Variants in HSPA8 observed in about 807,000 individuals in gnomAD.
HSPA8 encodes heat shock protein family A (Hsp70) member 8.
Under a neutral mutation model 52.8 loss-of-function variants are expected in HSPA8, and 2 were observed. The observed-to-expected ratio is 0.04, with a 90% CI of 0.02 to 0.12. The LOEUF (loss-of-function observed/expected upper bound fraction) is 0.12, where lower values mean the gene tolerates loss of function less well. Ranked by LOEUF, HSPA8 falls within the 10% of genes least tolerant of loss-of-function variation. The pLI is 1.00. For synonymous variants in HSPA8, 436 were observed against 274.0 expected, an observed-to-expected ratio of 1.59 and a Z score of -5.84; for missense variants, 349 against 800.5, an observed-to-expected ratio of 0.44 and a Z score of 6.81.
At chr11:123,058,898 AG>A in intron 6 of HSPA8, 68 bp from the exon 7 acceptor site, 2 of 1,499,778 alleles carry the variant, frequency 1.3e-6, no homozygotes, top group South Asian at 1.1e-5. Flanking sequence ...GGTCCTGCTA[AG>A]GAAGAATGGT....
chr11:123,061,474 G>A (rs41302367), intron 1 of HSPA8, 145 bp from the exon 2 acceptor site: 23,398 of 661,116 alleles, frequency 0.035, 2,179 homozygotes, highest in African/African-American at 0.23. Context: ...CACGCGCGAG[G>A]TCCAGAACTA....
intron 8 of HSPA8, 26 bp downstream of exon 8, chr11:123,058,226 G>GAAGAA: frequency 9.9e-6 from 10 of 1,012,446 alleles, no homozygotes; most frequent in Non-Finnish European, 1.4e-5. Context: ...AGTGGGGGAG[G>GAAGAA]AAAAAAAAAA....
At chr11:123,059,011 C>T (rs763725484) in intron 6 of HSPA8, 48 bp downstream of exon 6, 2 of 1,533,412 alleles carry the variant, frequency 1.3e-6, no homozygotes, top group Non-Finnish European at 9.0e-7. Flanking sequence ...TCAAGACTTC[C>T]CTTTATCTGT....
chr11:123,058,084 G>C, intron 8 of HSPA8, 165 bp from the exon 9 acceptor site: 9 of 711,420 alleles, frequency 1.3e-5, no homozygotes, highest in South Asian at 3.7e-5. Flanking sequence ...GGGTCACTCA[G>C]ACATCCAAGG....
Position 123,057,871 on chromosome 11 carries a change from C to T in HSPA8, c.1804G>A (p.Val602Ile). 1 of 1,612,802 alleles carries T rather than the reference C, an allele frequency of 6.2e-7. No homozygotes were observed. Among genetic ancestry groups the T allele is most frequent in the Non-Finnish European group, 8.5e-7 (1 of 1,179,564 alleles). ...FEHQQKELEKVCNPIITKLYQ... is the reference protein window; with the variant it reads ...FEHQQKELEKICNPIITKLYQ... ...AGCTTGGTGATGATGGGGTTGCAAA[C>T]TTTCTCCAGCTCTTTCTGTTGATGT... Residue 602 changes from valine to isoleucine, a missense_variant, in exon 9 of 9, where the codon GTT becomes ATT. Physicochemically the swap from Val to Ile is conservative, Grantham distance 29. Coordinates refer to ENST00000534624, the MANE Select transcript of HSPA8 (RefSeq NM_006597.6).
chr11:123,060,922 A>T (rs1392833834), intron 2 of HSPA8, 124 bp from the exon 3 acceptor site: 1 of 960,660 alleles, frequency 1.0e-6, no homozygotes, highest in East Asian at 2.5e-5. Context: ...TATAGGTAGC[A>T]AAGGTTCAAA....
At position 123,060,053 on chromosome 11, in the gene HSPA8, A is replaced by C. The variant is rs944711644; in HGVS notation, c.565-25T>G. 2.5e-6 allele frequency: 4 copies of C among 1,613,998 alleles called. No homozygotes were observed. The African/African-American group carries it at 5.3e-5, about 22-fold the overall frequency. ...CCTGCCGTTAAAAACAATCTCATTT[A>C]AATTTACGATGGATCAAATTAATCT... On this transcript the variant is annotated intron_variant, in intron 4 of 8. Transcript: ENST00000534624.
At chr11:123,061,442 T>G (rs1337941120) in intron 1 of HSPA8, 113 bp from the exon 2 acceptor site, 2 of 795,814 alleles carry the variant, frequency 2.5e-6, no homozygotes, top group Non-Finnish European at 4.1e-6. Flanking sequence ...GAGGTAATAG[T>G]GCCCATCACC....
chr11:123,057,994 A>C (rs1332109272), intron 8 of HSPA8, 75 bp from the exon 9 acceptor site: 2 of 1,227,730 alleles, frequency 1.6e-6, no homozygotes, highest in African/African-American at 3.1e-5. Flanking sequence ...ACGCAATCTG[A>C]TACTAAAAGT....
In HSPA8 at chr11:123,058,499, A is replaced by AG. The variant is rs1865385639; in HGVS notation, c.1523-16_1523-15insC. The AG allele has an allele frequency of 6.2e-7, 1 of 1,610,134 alleles. No homozygotes were observed. The highest frequency in any genetic ancestry group is 8.5e-7 in the Non-Finnish European group (1 of 1,176,684). ...GCTCAAACGGCCTAGGAAAGAAATT[A>AG]ACTCTAAGTAAAAGCCTTAAATTAC... is the stretch of plus-strand genomic sequence containing the variant. On this transcript the variant is annotated splice_polypyrimidine_tract_variant and intron_variant, in intron 7 of 8. Transcript: ENST00000534624.
At chr11:123,058,855 C>T (rs747179523) in intron 6 of HSPA8, 25 bp from the exon 7 acceptor site, 7 of 1,599,260 alleles carry the variant, frequency 4.4e-6, no homozygotes, top group Non-Finnish European at 6.0e-6. Flanking sequence ...AAACAAATTA[C>T]TACAATGGAC....
chr11:123,062,457 G>C (rs941850159), upstream of HSPA8: 2 of 152,312 alleles, frequency 1.3e-5, no homozygotes, highest in Non-Finnish European at 1.5e-5. Flanking sequence ...ACCCCGGGCG[G>C]GGGAGGGGAG....
Position 123,061,544 on chromosome 11 carries a change from A to C in HSPA8, c.-5-215T>G, listed in dbSNP as rs369322233. ...AGAGCACGCCCTAGATGAAGGACCCATCTACCCAGACGGCGTGGGGCGTTG... is the reference window on the plus strand; with the variant it reads ...AGAGCACGCCCTAGATGAAGGACCCCTCTACCCAGACGGCGTGGGGCGTTG... On this transcript the variant is annotated intron_variant, in intron 1 of 8. Transcript: ENST00000534624. 509 of 584,990 alleles carry C rather than the reference A, an allele frequency of 8.7e-4. 8 individuals carry two copies. The South Asian group carries it at 1.0e-2, about 11-fold the overall frequency. 36.2% of individuals were successfully genotyped at this position (584,990 alleles called of 1,614,324 possible). A position where few individuals can be genotyped will look rare whatever the true frequency, so the allele number is the denominator to read the frequency against.
Position 123,057,852 on chromosome 11 carries a change from G to A in HSPA8, c.1823C>T (p.Thr608Ile). 6.2e-7 allele frequency: 1 copy of A among 1,613,520 alleles called. No individual in the cohort carries two copies. Among genetic ancestry groups the A allele is most frequent in the Non-Finnish European group, 8.5e-7 (1 of 1,179,678 alleles). The change falls in exon 9 of 9, where the codon ACC becomes ATC. Residue 608 changes from threonine (T) to isoleucine (I), a missense_variant. Thr to Ile is a moderately conservative substitution (Grantham distance 89). Coordinates refer to ENST00000534624, the MANE Select transcript of HSPA8 (RefSeq NM_006597.6). The part of the protein sequence containing the change: ...ELEKVCNPII[T>I]KLYQSAGGMP... ...GCCTCCTGCACTCTGGTACAGCTTG[G>A]TGATGATGGGGTTGCAAACTTTCTC...
At chr11:123,061,570 C>T in intron 1 of HSPA8, 1 of 553,286 alleles carries the variant, frequency 1.8e-6, no homozygotes, top group East Asian at 3.1e-5. Flanking sequence ...TGGGGCGTTG[C>T]TCAACACGTG....
At position 123,061,262 on chromosome 11, in the gene HSPA8, G is replaced by A. The variant is rs1230684190; in HGVS notation, c.63C>T (p.Phe21=). Residue 21 remains phenylalanine, a synonymous_variant, in exon 2 of 9, where the codon TTC becomes TTT. Transcript: ENST00000534624. ...LGTTYSCVGV[F]QHGKVEIIAN... ...CAATTATCTCGACTTTTCCGTGCTG[G>A]AAAACACCCACACAAGAGTAGGTGG... 3 of 1,613,908 alleles carry A rather than the reference G, an allele frequency of 1.9e-6. No individual in the cohort carries two copies. Among genetic ancestry groups the A allele is most frequent in the Non-Finnish European group, 1.7e-6 (2 of 1,179,844 alleles).
At chr11:123,061,920 T>C in intron 1 of HSPA8, 144 bp downstream of exon 1, 1 of 157,082 alleles carries the variant, frequency 6.4e-6, no homozygotes. Context: ...CACCGAAAAC[T>C]GAGGCCCTTT....
Position 123,060,275 on chromosome 11 carries a change from A to G in HSPA8, c.412-7T>C, listed in dbSNP as rs368578738. The G allele has an allele frequency of 1.2e-5, 19 of 1,612,566 alleles. No individual in the cohort carries two copies. The highest frequency in any genetic ancestry group is 1.6e-5 in the Non-Finnish European group (19 of 1,179,674). ...CCACAGCATTGGTAACAGTCTAGGA[A>G]TAAGGAAAAGACCACAGATTGGTAA... On this transcript the variant is annotated splice_polypyrimidine_tract_variant and splice_region_variant and intron_variant, in intron 3 of 8. Coordinates refer to ENST00000534624, the MANE Select transcript of HSPA8 (RefSeq NM_006597.6).
rs1322274087 is a variant in HSPA8 at position 123,058,883 on chromosome 11, G to A, written c.1324-53C>T. On this transcript the variant is annotated intron_variant, in intron 6 of 8. Transcript: ENST00000534624. ...CAATGGACTCCAGGTCTGTGACAGT[G>A]CTAGGGTCCTGCTAAGGAAGAATGG... The A allele has an allele frequency of 3.9e-6, 6 of 1,537,348 alleles. No individual in the cohort carries two copies. The East Asian group carries it at 6.7e-5, about 17-fold the overall frequency.
Sources: gnomAD v4.1 joint callset for allele counts on GRCh38, gnomAD v4.1.1 for gene constraint, MANE v1.5 for transcripts, NCBI Gene and HGNC (gene_info 2026-07-23, HGNC 2026-07-21) for gene names.